Variants in NPC1 observed in about 807,000 individuals in gnomAD.
NPC1 encodes NPC intracellular cholesterol transporter 1.
In NPC1, 85 loss-of-function variants were observed where a neutral mutation model predicts 140.4. The observed-to-expected ratio is 0.61, with a 90% CI of 0.51 to 0.72. The LOEUF (loss-of-function observed/expected upper bound fraction) is 0.72, where lower values mean the gene tolerates loss of function less well. Ranked by LOEUF, NPC1 falls within the 30% of genes least tolerant of loss-of-function variation. The pLI, the probability that NPC1 is intolerant of heterozygous loss-of-function variation, is 0.00. For synonymous variants in NPC1, 656 were observed against 624.8 expected (o/e 1.05, Z -0.74); for missense variants, 1,504 against 1,623.8 (o/e 0.93, Z 1.27).
At chr18:23,535,943 G>A (rs1268834157) in intron 21 of NPC1, among the ~76,000 whole-genome samples, 3 of 151,918 alleles carry the variant, frequency 2.0e-5, no homozygotes, top group Non-Finnish European at 4.4e-5. Context: ...CTGTTTATAA[G>A]CCCAATCTAT....
chr18:23,533,224 CTCAG>C (rs2058567021), intron 24 of NPC1, 127 bp downstream of exon 24: 4 of 1,032,454 alleles, frequency 3.9e-6, no homozygotes, highest in Middle Eastern at 2.1e-4. Flanking sequence ...AATTTTTTTA[CTCAG>C]TATCATTTAT....
intron 1 of NPC1, among the ~76,000 whole-genome samples, chr18:23,574,437 G>A (rs1041697731): frequency 1.3e-5 from 2 of 151,204 alleles, no homozygotes; most frequent in Admixed American, 1.3e-4. Flanking sequence ...ACCCTGATGG[G>A]AAAGCCATAA....
chr18:23,568,650 T>TA (rs1306800729), intron 4 of NPC1, among the ~76,000 whole-genome samples, 173 bp downstream of exon 4: 1 of 152,214 alleles, frequency 6.6e-6, no homozygotes, highest in African/African-American at 2.4e-5. Context: ...AGGAGATTTT[T>TA]ATATTCGTTG....
In NPC1 at chr18:23,556,537, A is replaced by T. The variant is rs2145457977; in HGVS notation, c.1032T>A (p.Ser344=). 6.2e-7 allele frequency: 1 copy of T among 1,614,180 alleles called. No individual in the cohort carries two copies. The highest frequency in any genetic ancestry group is 8.5e-7 in the Non-Finnish European group (1 of 1,180,032). Residue 344 remains serine, a synonymous_variant, in exon 8 of 25, where the codon TCT becomes TCA. Coordinates refer to ENST00000269228, the MANE Select transcript of NPC1 (RefSeq NM_000271.5). Reference sequence around the variant, plus strand: ...CACAGCCAGGGTTTCGGACGCAGAAAGACCCCCAGCGTGTGAACAGCCGCC... The same window carrying T: ...CACAGCCAGGGTTTCGGACGCAGAATGACCCCCAGCGTGTGAACAGCCGCC... ...CLRRLFTRWG[S]FCVRNPGCVI...
rs892660695 is a variant in NPC1 at position 23,577,922 on chromosome 18, C to T, written c.58-4348G>A. On this transcript the variant is annotated intron_variant, in intron 1 of 24. Coordinates refer to ENST00000269228, the MANE Select transcript of NPC1 (RefSeq NM_000271.5). ...GGCCAGCAGGGCTGGCTGGCTGCTC[C>T]GAGTGTGGGGCCCACCAAGCCCACG... Among the ~76,000 whole-genome samples, 7 of 152,240 alleles carry T rather than the reference C, an allele frequency of 4.6e-5. No homozygotes were observed. In the South Asian group the frequency reaches 6.2e-4, roughly 13 times the overall value.
Position 23,532,161 on chromosome 18 carries a change from G to A in NPC1, c.*41C>T, listed in dbSNP as rs774899271. 1.3e-5 allele frequency: 21 copies of A among 1,614,030 alleles called. No individual in the cohort carries two copies. Among genetic ancestry groups the A allele is most frequent in the Admixed American group, 1.7e-5 (1 of 59,998 alleles). On this transcript the variant is annotated 3_prime_UTR_variant, in exon 25 of 25. Coordinates refer to ENST00000269228, the MANE Select transcript of NPC1 (RefSeq NM_000271.5). ...GCACCCGTCCAGTGGTAAACCGACC[G>A]ACCCTTAGACACAGTTCAGTCAGGA...
At chr18:23,517,041 A>T (rs910497928) in intron 3 of NPC1, among the ~76,000 whole-genome samples, 11 of 151,994 alleles carry the variant, frequency 7.2e-5, no homozygotes, top group Admixed American at 3.9e-4. Context: ...TATTTTTTTT[A>T]AAAGCTCAGT....
chr18:23,535,235 C>G (rs371951008), intron 22 of NPC1, among the ~76,000 whole-genome samples: 1 of 152,074 alleles, frequency 6.6e-6, no homozygotes, highest in Non-Finnish European at 1.5e-5. Flanking sequence ...ACAGAAATTG[C>G]CTGTAATGTG....
In NPC1 at chr18:23,531,668, T is replaced by G; in HGVS notation, c.*534A>C. On this transcript the variant is annotated 3_prime_UTR_variant, in exon 25 of 25. Transcript: ENST00000269228. ...ATGTTGCTTTTTTCAAACAGATTTTTGGAGACCAAGCTCTAATGAGGCCTA... is the reference window on the plus strand; with the variant it reads ...ATGTTGCTTTTTTCAAACAGATTTTGGGAGACCAAGCTCTAATGAGGCCTA... The G allele has an allele frequency of 6.2e-7, 1 of 1,613,552 alleles. No homozygotes were observed. Among genetic ancestry groups the G allele is most frequent in the Non-Finnish European group, 8.5e-7 (1 of 1,179,922 alleles).
intron 11 of NPC1, 77 bp from the exon 12 acceptor site, chr18:23,545,226 C>T (rs564140520): frequency 9.1e-6 from 10 of 1,102,708 alleles, no homozygotes; most frequent in South Asian, 2.6e-5. Flanking sequence ...CTAACTTTCA[C>T]GATACAAAGG....
chr18:23,544,271 C>T (rs1223246636), intron 13 of NPC1, 73 bp downstream of exon 13: 36 of 1,426,554 alleles, frequency 2.5e-5, no homozygotes, highest in Middle Eastern at 1.8e-4. Context: ...CTCACGAATG[C>T]GGAGCCCAGG....
intron 3 of NPC1, among the ~76,000 whole-genome samples, chr18:23,511,989 C>T (rs186766636): frequency 6.6e-6 from 1 of 150,500 alleles, no homozygotes; most frequent in East Asian, 1.9e-4. Flanking sequence ...AGTCTATAGA[C>T]ATTTGCCAAC....
chr18:23,558,864 C>T (rs1397710055), intron 6 of NPC1, among the ~76,000 whole-genome samples: 4 of 152,002 alleles, frequency 2.6e-5, no homozygotes, highest in Non-Finnish European at 5.9e-5. Flanking sequence ...TAATGCTATC[C>T]CTCCCCCAGG....
At chr18:23,563,721 T>G (rs775918264) in intron 4 of NPC1, among the ~76,000 whole-genome samples, 3 of 152,050 alleles carry the variant, frequency 2.0e-5, no homozygotes, top group Non-Finnish European at 2.9e-5. Context: ...CTGTTTTTGG[T>G]TTTTGGATTT....
chr18:23,530,660 A>G (rs1440302339), downstream of NPC1: 1 of 1,561,094 alleles, frequency 6.4e-7, no homozygotes, highest in East Asian at 2.3e-5. Flanking sequence ...CTCAAAGAGT[A>G]GCAGAGGGCA....
At chr18:23,509,136 A>T (rs2057784121) in intron 3 of NPC1, 1 of 577,664 alleles carries the variant, frequency 1.7e-6, no homozygotes. Flanking sequence ...GCTTTTGAAG[A>T]GAGTTATATG....
At chr18:23,535,977 G>A (rs1461304649) in intron 21 of NPC1, among the ~76,000 whole-genome samples, 2 of 152,032 alleles carry the variant, frequency 1.3e-5, no homozygotes, top group Non-Finnish European at 2.9e-5. Flanking sequence ...CATTTACAGA[G>A]AGCATTCCAC....
chr18:23,507,118 T>C (rs2057735285), intron 3 of NPC1: 1 of 1,145,676 alleles, frequency 8.7e-7, no homozygotes, highest in Non-Finnish European at 1.3e-6. Flanking sequence ...AGAGAAGGAA[T>C]CGCAAATTTT....
At chr18:23,525,512 A>C (rs371690748), downstream of NPC1, among the ~76,000 whole-genome samples, 2 of 150,186 alleles carry the variant, frequency 1.3e-5, no homozygotes, top group African/African-American at 4.9e-5. Flanking sequence ...GCAACCTCCA[A>C]CTCCTGGGTT....
Sources: gnomAD v4.1 joint callset for allele counts (sites outside exome capture counted in the v4.1 genomes callset) on GRCh38, gnomAD v4.1.1 for gene constraint, MANE v1.5 for transcripts, NCBI Gene and HGNC (gene_info 2026-07-23, HGNC 2026-07-21) for gene names.